Variants in EEPD1 observed in about 807,000 individuals in gnomAD.
EEPD1 encodes endonuclease/exonuclease/phosphatase family domain containing 1.
In EEPD1, 17 loss-of-function variants were observed where a neutral mutation model predicts 46.3. That is an observed-to-expected ratio of 0.37 (90% CI 0.25 to 0.55). EEPD1 has a LOEUF of 0.55. Ranked by LOEUF, EEPD1 falls within the 20% of genes least tolerant of loss-of-function variation. The probability of loss-of-function intolerance (pLI) is 0.83; values close to 1 mark genes in which losing one functional copy is unlikely to be tolerated. For missense variants in EEPD1, 673 were observed against 745.6 expected, an observed-to-expected ratio of 0.90 and a Z score of 1.13; for synonymous variants, 313 against 315.6, an observed-to-expected ratio of 0.99 and a Z score of 0.09.
At chr7:36,232,701 G>C (rs968151539) in intron 2 of EEPD1, among the ~76,000 whole-genome samples, 10 of 151,020 alleles carry the variant, frequency 6.6e-5, no homozygotes, top group Middle Eastern at 3.4e-3. Context: ...TAAGTTCAGT[G>C]GGGGAGAGTT....
rs996637397 is a variant in EEPD1, at chr7:36,200,096, A to G, written c.879-38889A>G. ...CCAGGTACTAAGCCTGGTAGTACCC[A>G]ATAGTTTTTTTTTTTTCTGATCTTC... On this transcript the variant is annotated intron_variant, in intron 2 of 7. Transcript: ENST00000242108. 1.1e-4 allele frequency among the ~76,000 whole-genome samples: 6 copies of G among 54,960 alleles called. No homozygotes were observed. In the Admixed American group the frequency reaches 1.3e-3, roughly 12 times the overall value. 36.1% of individuals were successfully genotyped at this position (54,960 alleles called of 152,430 possible).
At chr7:36,235,708 T>C (rs1786420189) in intron 2 of EEPD1, among the ~76,000 whole-genome samples, 1 of 152,260 alleles carries the variant, frequency 6.6e-6, no homozygotes, top group Admixed American at 6.5e-5. Flanking sequence ...GCGATGGCTT[T>C]AGCTATTTGG....
intron 2 of EEPD1, among the ~76,000 whole-genome samples, chr7:36,220,382 A>G (rs1268911123): frequency 1.3e-5 from 2 of 152,168 alleles, no homozygotes; most frequent in African/African-American, 4.8e-5. Context: ...AGGGAGGTGA[A>G]TGGTACCAGT....
chr7:36,187,945 G>A (rs952339790), intron 2 of EEPD1, among the ~76,000 whole-genome samples: 9 of 152,076 alleles, frequency 5.9e-5, no homozygotes, highest in African/African-American at 1.7e-4. Context: ...TTACAGGCAC[G>A]TGCCACCACG....
intron 3 of EEPD1, among the ~76,000 whole-genome samples, chr7:36,245,991 TA>T (rs1389968180): frequency 6.6e-6 from 1 of 152,108 alleles, no homozygotes; most frequent in Non-Finnish European, 1.5e-5. Flanking sequence ...TAAAAGGAAA[TA>T]AAAATATTGG....
intron 7 of EEPD1, among the ~76,000 whole-genome samples, chr7:36,297,714 G>A (rs1787549546): frequency 6.6e-6 from 1 of 152,218 alleles, no homozygotes; most frequent in Non-Finnish European, 1.5e-5. Flanking sequence ...AGGTGAACAG[G>A]TGTCTCATAT....
chr7:36,165,491 C>T (rs1002218335), intron 2 of EEPD1, among the ~76,000 whole-genome samples: 2 of 133,456 alleles, frequency 1.5e-5, no homozygotes, highest in African/African-American at 5.7e-5. Context: ...GCAATCTCAG[C>T]TCACTGCAAC....
At chr7:36,180,782 C>T (rs1785258992) in intron 2 of EEPD1, among the ~76,000 whole-genome samples, 1 of 152,136 alleles carries the variant, frequency 6.6e-6, no homozygotes, top group Admixed American at 6.5e-5. Context: ...CCCGCTGGGA[C>T]AGTAGTCTTC....
At chr7:36,207,940 T>G (rs1355570878) in intron 2 of EEPD1, among the ~76,000 whole-genome samples, 1 of 151,576 alleles carries the variant, frequency 6.6e-6, no homozygotes, top group Non-Finnish European at 1.5e-5. Flanking sequence ...GTCTCTTGCC[T>G]TTGTTCACAC....
At chr7:36,275,771 T>C (rs1787173361) in intron 3 of EEPD1, among the ~76,000 whole-genome samples, 2 of 152,324 alleles carry the variant, frequency 1.3e-5, no homozygotes, top group Admixed American at 6.5e-5. Flanking sequence ...ACCTTTATTA[T>C]TTTTATTTCC....
intron 2 of EEPD1, 72 bp from the exon 3 acceptor site, chr7:36,238,913 G>A (rs945393891): frequency 8.1e-6 from 12 of 1,477,406 alleles, no homozygotes; most frequent in East Asian, 2.4e-5. Context: ...TTGTTCTTGC[G>A]ACTTGTTAGA....
intron 3 of EEPD1, among the ~76,000 whole-genome samples, chr7:36,267,835 G>C (rs1787046634): frequency 6.6e-6 from 1 of 152,130 alleles, no homozygotes; most frequent in Non-Finnish European, 1.5e-5. Context: ...GAGTCCTTGG[G>C]AGGTAATTGG....
chr7:36,284,179 G>A (rs969146444), intron 4 of EEPD1, among the ~76,000 whole-genome samples: 2 of 152,232 alleles, frequency 1.3e-5, no homozygotes, highest in East Asian at 3.8e-4. Flanking sequence ...CACTCACCCA[G>A]AAAACACTGA....
chr7:36,299,528 G>C lies in EEPD1; in HGVS notation c.*322G>C. The C allele has an allele frequency of 2.8e-6, 1 of 357,780 alleles. No homozygotes were observed. The highest frequency in any genetic ancestry group is 5.2e-6 in the Non-Finnish European group (1 of 192,466). The allele number at this position is 357,780 out of a possible 1,614,324, so 22.2% of individuals were successfully genotyped here. Reference sequence around the variant, plus strand: ...GGATGGCAGCACAAAGACAATATGAGCAGAGGGAGGAGAAGAAGGGGTGCT... The same window carrying C: ...GGATGGCAGCACAAAGACAATATGACCAGAGGGAGGAGAAGAAGGGGTGCT... On this transcript the variant is annotated 3_prime_UTR_variant, in exon 8 of 8. Coordinates refer to ENST00000242108, the MANE Select transcript of EEPD1 (RefSeq NM_030636.3).
At chr7:36,226,167 G>C (rs1786228988) in intron 2 of EEPD1, among the ~76,000 whole-genome samples, 1 of 152,228 alleles carries the variant, frequency 6.6e-6, no homozygotes, top group South Asian at 2.1e-4. Flanking sequence ...ATCAAAGAGG[G>C]AAGGGGAGAT....
At position 36,291,610 on chromosome 7, in the gene EEPD1, C is replaced by T. The variant is rs189446255; in HGVS notation, c.1315+3833C>T. On this transcript the variant is annotated intron_variant, in intron 6 of 7. Coordinates refer to ENST00000242108, the MANE Select transcript of EEPD1 (RefSeq NM_030636.3). Reference sequence around the variant, plus strand: ...GCTTCCTTCCATCCCACCCATTGTCCTCACTCCTCCTAGAGGAGGGCGCCA... The same window carrying T: ...GCTTCCTTCCATCCCACCCATTGTCTTCACTCCTCCTAGAGGAGGGCGCCA... Among the ~76,000 whole-genome samples the T allele has an allele frequency of 1.2e-4, 18 of 152,316 alleles. No individual in the cohort carries two copies. The East Asian group carries it at 3.5e-3, about 29-fold the overall frequency.
intron 2 of EEPD1, among the ~76,000 whole-genome samples, chr7:36,218,750 A>G (rs576283844): frequency 2.0e-5 from 3 of 152,246 alleles, no homozygotes; most frequent in African/African-American, 7.2e-5. Context: ...TGAAAATATC[A>G]CCCTCTTTTT....
At chr7:36,202,726 C>T (rs1016170030) in intron 2 of EEPD1, among the ~76,000 whole-genome samples, 2 of 152,146 alleles carry the variant, frequency 1.3e-5, no homozygotes, top group African/African-American at 4.8e-5. Flanking sequence ...TTAATCTTCA[C>T]CATGACCCTG....
intron 2 of EEPD1, among the ~76,000 whole-genome samples, chr7:36,205,454 A>G (rs1438857920): frequency 6.6e-6 from 1 of 152,232 alleles, no homozygotes; most frequent in African/African-American, 2.4e-5. Flanking sequence ...TTTTGCAGTG[A>G]GAAAGATATG....
Sources: gnomAD v4.1 joint callset for allele counts (sites outside exome capture counted in the v4.1 genomes callset) on GRCh38, gnomAD v4.1.1 for gene constraint, MANE v1.5 for transcripts, NCBI Gene and HGNC (gene_info 2026-07-23, HGNC 2026-07-21) for gene names.